FRYL: variants seen among roughly 807,000 people sequenced by gnomAD.
The protein encoded by FRYL is FRY like transcription coactivator, also known as protein furry homolog-like.
FRYL carries 150 observed loss-of-function variants against 351.2 expected under a neutral mutation model. The observed-to-expected ratio is 0.43, with a 90% CI of 0.37 to 0.49. The LOEUF (loss-of-function observed/expected upper bound fraction) is 0.49. Ranked by LOEUF, FRYL falls within the 20% of genes least tolerant of loss-of-function variation. FRYL has a pLI of 0.00. For missense variants in FRYL, 3,036 were observed against 3,619.3 expected (o/e 0.84, Z 4.13); for synonymous variants, 1,153 against 1,257.1 (o/e 0.92, Z 1.75).
In FRYL at chr4:48,561,640, T is replaced by C. The variant is rs764038697; in HGVS notation, c.3697-4A>G. 5 of 1,600,652 alleles carry C rather than the reference T, an allele frequency of 3.1e-6. No homozygotes were observed. In the South Asian group the frequency reaches 4.5e-5, roughly 14 times the overall value. On this transcript the variant is annotated splice_region_variant and splice_polypyrimidine_tract_variant and intron_variant, in intron 32 of 63. Transcript: ENST00000358350. ...GAAACATCTTCGGTTCCAGAATCTA[T>C]AGGAATGTGATTCCATCAACTTAGG...
At chr4:48,700,826 A>C (rs1480763751) in intron 2 of FRYL, among the ~76,000 whole-genome samples, 4 of 151,938 alleles carry the variant, frequency 2.6e-5, no homozygotes, top group Non-Finnish European at 4.4e-5. Context: ...AAAAAAAAAA[A>C]AAAACTTTCA....
intron 3 of FRYL, among the ~76,000 whole-genome samples, chr4:48,656,611 C>T (rs1322490793): frequency 1.5e-5 from 2 of 130,638 alleles, no homozygotes; most frequent in African/African-American, 5.8e-5. Context: ...TACATATATG[C>T]ATTATATATA....
chr4:48,571,796 T>C, intron 26 of FRYL: 4 of 981,366 alleles, frequency 4.1e-6, no homozygotes, highest in Non-Finnish European at 3.6e-6. Context: ...TTGGTTGGCC[T>C]GTTTTCATTT....
At chr4:48,502,929 G>C in intron 60 of FRYL, 84 bp from the exon 61 acceptor site, 1 of 1,020,660 alleles carries the variant, frequency 9.8e-7, no homozygotes, top group Non-Finnish European at 1.5e-6. Flanking sequence ...TTTAACTAGG[G>C]TCACAGATGT....
chr4:48,539,684 T>C (rs1315744491), intron 47 of FRYL, among the ~76,000 whole-genome samples: 2 of 152,070 alleles, frequency 1.3e-5, no homozygotes, highest in Admixed American at 6.6e-5. Context: ...AATAAACGAA[T>C]GAATGAGAAA....
chr4:48,727,810 C>A (rs1284602292), intron 1 of FRYL, among the ~76,000 whole-genome samples: 2 of 152,172 alleles, frequency 1.3e-5, no homozygotes, highest in African/African-American at 4.8e-5. Context: ...TCAGCCTTAG[C>A]CTTCCATGTG....
intron 3 of FRYL, among the ~76,000 whole-genome samples, chr4:48,644,785 G>C: frequency 6.6e-6 from 1 of 151,838 alleles, no homozygotes; most frequent in African/African-American, 2.4e-5. Flanking sequence ...TAATCAAGGG[G>C]TGAAAAGACC....
intron 27 of FRYL, among the ~76,000 whole-genome samples, chr4:48,569,125 C>A (rs1286291365): frequency 2.0e-5 from 3 of 152,120 alleles, no homozygotes; most frequent in Admixed American, 1.3e-4. Flanking sequence ...ATTTTGCAGT[C>A]CCCAAAATAG....
chr4:48,556,512 A>C (rs1241068791), intron 35 of FRYL, among the ~76,000 whole-genome samples: 5 of 152,060 alleles, frequency 3.3e-5, no homozygotes, highest in Non-Finnish European at 4.4e-5. Flanking sequence ...TCCTGTTCTC[A>C]TATCTAAATG....
intron 7 of FRYL, among the ~76,000 whole-genome samples, chr4:48,610,675 ATAT>A (rs1433262525): frequency 6.8e-6 from 1 of 146,288 alleles, no homozygotes; most frequent in African/African-American, 2.5e-5. Context: ...TACATATATT[ATAT>A]TATATATTAT....
chr4:48,595,189 AT>A (rs1033715542), intron 15 of FRYL, among the ~76,000 whole-genome samples: 1 of 152,228 alleles, frequency 6.6e-6, no homozygotes, highest in Middle Eastern at 3.2e-3. Flanking sequence ...TCAGACTAGA[AT>A]TCATTTCTTC....
rs1231506078 is a variant in FRYL, at chr4:48,606,594, T to C, written c.585A>G (p.Val195=). ...TTAATTCTGTCACAAACTTCTTCCT[T>C]ACAGCCTGAAACCTTTAATATACGT... The part of the protein sequence containing the change: ...GVLAQSKFQA[V]RKKFVTELKE... The change falls in exon 10 of 64, where the codon GTA becomes GTG. Residue 195 remains valine, a synonymous_variant. Transcript: ENST00000358350. The C allele has an allele frequency of 6.2e-6, 10 of 1,609,764 alleles. No individual in the cohort carries two copies. The highest frequency in any genetic ancestry group is 8.5e-6 in the Non-Finnish European group (10 of 1,177,110).
intron 11 of FRYL, 69 bp from the exon 12 acceptor site, chr4:48,603,457 G>C (rs1281849346): frequency 8.8e-6 from 9 of 1,023,772 alleles, no homozygotes; most frequent in Non-Finnish European, 1.3e-5. Context: ...AAGAATACAA[G>C]AACTTTCTGT....
At chr4:48,671,885 A>AAAAAAAAAAAAAAAAAAAC in intron 3 of FRYL, among the ~76,000 whole-genome samples, 1 of 149,466 alleles carries the variant, frequency 6.7e-6, no homozygotes, top group South Asian at 2.1e-4. Context: ...AAAAAAAAAA[A>AAAAAAAAAAAAAAAAAAAC]AAAAAAGAAG....
At chr4:48,502,467 C>G (rs766913466) in intron 61 of FRYL, among the ~76,000 whole-genome samples, 11 of 151,570 alleles carry the variant, frequency 7.3e-5, no homozygotes, top group Non-Finnish European at 1.6e-4. Flanking sequence ...ATCGCTTGAA[C>G]CTGGGAGGCA....
In FRYL at chr4:48,736,551, A is replaced by G. The variant is rs113145225; in HGVS notation, c.-383-25853T>C. Among the ~76,000 whole-genome samples, 690 of 152,236 alleles carry G rather than the reference A, an allele frequency of 4.5e-3. 5 individuals carry two copies. Among genetic ancestry groups the G allele is most frequent in the African/African-American group, 0.015 (642 of 41,550 alleles). ...TTCCATGAGCATTAAAAGGATAATA[A>G]AGAAATACTATAAACAGGCCGGGTA... On this transcript the variant is annotated intron_variant, in intron 1 of 63. Coordinates refer to ENST00000358350, the MANE Select transcript of FRYL (RefSeq NM_015030.2).
chr4:48,595,054 G>C (rs1423445812), intron 15 of FRYL, among the ~76,000 whole-genome samples: 1 of 152,218 alleles, frequency 6.6e-6, no homozygotes, highest in East Asian at 1.9e-4. Context: ...AGGGAGAAAT[G>C]AATCTATTTT....
At chr4:48,668,400 A>AAAAG (rs1407690975) in intron 3 of FRYL, among the ~76,000 whole-genome samples, 1 of 151,636 alleles carries the variant, frequency 6.6e-6, no homozygotes, top group African/African-American at 2.4e-5. Context: ...AAAAAAAAAA[A>AAAAG]AAAGAAAGAA....
chr4:48,507,529 A>C (rs1721410376), intron 59 of FRYL, among the ~76,000 whole-genome samples: 2 of 37,888 alleles, frequency 5.3e-5, no homozygotes, highest in African/African-American at 1.9e-4. Context: ...AACTCACTCA[A>C]ACAAACAGTT....
Sources: gnomAD v4.1 joint callset for allele counts (sites outside exome capture counted in the v4.1 genomes callset) on GRCh38, gnomAD v4.1.1 for gene constraint, MANE v1.5 for transcripts, NCBI Gene and HGNC (gene_info 2026-07-23, HGNC 2026-07-21) for gene names.